Variants in DTNBP1 observed in about 807,000 individuals in gnomAD.
DTNBP1 encodes dysbindin.
Under a neutral mutation model 42.8 loss-of-function variants are expected in DTNBP1, and 35 were observed. The observed-to-expected ratio is 0.82, with a 90% confidence interval of 0.63 to 1.09. The LOEUF (loss-of-function observed/expected upper bound fraction) is 1.09. Among genes scored for constraint, DTNBP1 ranks in the 50% least tolerant of loss-of-function variants. The pLI, the probability that DTNBP1 is intolerant of heterozygous loss-of-function variation, is 0.00. For synonymous variants in DTNBP1, 171 were observed against 162.2 expected (o/e 1.05, Z -0.41); for missense variants, 457 against 424.2 (o/e 1.08, Z -0.68).
chr6:15,537,587 A>G (rs1474781633), intron 7 of DTNBP1, among the ~76,000 whole-genome samples: 1 of 152,022 alleles, frequency 6.6e-6, no homozygotes, highest in African/African-American at 2.4e-5. Flanking sequence ...CCCCACCCAA[A>G]TCTCATCTCA....
intron 7 of DTNBP1, among the ~76,000 whole-genome samples, chr6:15,584,705 C>CTTTTTTTTTTTTT (rs147548247): frequency 1.2e-5 from 1 of 86,432 alleles, no homozygotes; most frequent in South Asian, 4.0e-4. Context: ...ACATGTATTT[C>CTTTTTTTTTTTTT]TTTTTTTTTT....
intron 7 of DTNBP1, among the ~76,000 whole-genome samples, chr6:15,573,401 A>G (rs548607504): frequency 6.6e-6 from 1 of 152,344 alleles, no homozygotes; most frequent in South Asian, 2.1e-4. Flanking sequence ...ATTACAGTAA[A>G]GAGTCCATTG....
At chr6:15,652,042 T>A (rs747817438) in intron 2 of DTNBP1, 45 bp downstream of exon 2, 2 of 1,564,440 alleles carry the variant, frequency 1.3e-6, no homozygotes, top group Non-Finnish European at 1.8e-6. Flanking sequence ...AAAAGTTGTA[T>A]GAAATTTAAG....
At chr6:15,526,709 G>A (rs1772427590) in intron 8 of DTNBP1, among the ~76,000 whole-genome samples, 1 of 152,182 alleles carries the variant, frequency 6.6e-6, no homozygotes, top group African/African-American at 2.4e-5. Flanking sequence ...GCACGCTTCT[G>A]AGGGTTTCCT....
At chr6:15,548,923 T>C (rs189661775) in intron 7 of DTNBP1, among the ~76,000 whole-genome samples, 31 of 152,194 alleles carry the variant, frequency 2.0e-4, no homozygotes, top group Admixed American at 1.9e-3. Context: ...AAAATTTAAG[T>C]TTTCATTAAT....
chr6:15,534,819 C>A (rs1298880896), intron 7 of DTNBP1, among the ~76,000 whole-genome samples: 1 of 151,722 alleles, frequency 6.6e-6, no homozygotes, highest in Non-Finnish European at 1.5e-5. Flanking sequence ...AATATTAACC[C>A]AATATTGATA....
chr6:15,543,433 T>C (rs182193426), intron 7 of DTNBP1, among the ~76,000 whole-genome samples: 1 of 152,308 alleles, frequency 6.6e-6, no homozygotes, highest in Non-Finnish European at 1.5e-5. Context: ...CTCCATGCAG[T>C]CTTACTACAT....
intron 7 of DTNBP1, among the ~76,000 whole-genome samples, chr6:15,592,792 A>G (rs907802503): frequency 2.2e-4 from 33 of 152,192 alleles, no homozygotes; most frequent in African/African-American, 7.7e-4. Flanking sequence ...TTCTTAAACT[A>G]TGATTCTCAA....
chr6:15,627,798 A>G (rs1181188790), intron 4 of DTNBP1, among the ~76,000 whole-genome samples: 1 of 151,798 alleles, frequency 6.6e-6, no homozygotes, highest in Non-Finnish European at 1.5e-5. Context: ...TAGAAAAAAA[A>G]AAAACAAAAA....
chr6:15,560,038 T>A lies in DTNBP1; in HGVS notation c.512-26643A>T, dbSNP rs567657213. On this transcript the variant is annotated intron_variant, in intron 7 of 9. Coordinates refer to ENST00000344537, the MANE Select transcript of DTNBP1 (RefSeq NM_032122.5). ...AATAAAAATGTGGGGCCAGGCGCAGTGGCTCACACCTGTAATCCCAGCACT... is the reference window on the plus strand; with the variant it reads ...AATAAAAATGTGGGGCCAGGCGCAGAGGCTCACACCTGTAATCCCAGCACT... 5.9e-5 allele frequency among the ~76,000 whole-genome samples: 9 copies of A among 152,338 alleles called. No homozygotes were observed. The East Asian group carries it at 1.3e-3, about 23-fold the overall frequency.
intron 7 of DTNBP1, among the ~76,000 whole-genome samples, chr6:15,588,862 G>A (rs1776183572): frequency 6.6e-6 from 1 of 152,200 alleles, no homozygotes; most frequent in South Asian, 2.1e-4. Flanking sequence ...TCGTCATTCA[G>A]ATCAAGTGTC....
At chr6:15,623,759 A>AT (rs1759177883) in intron 5 of DTNBP1, among the ~76,000 whole-genome samples, 1 of 152,176 alleles carries the variant, frequency 6.6e-6, no homozygotes, top group Non-Finnish European at 1.5e-5. Flanking sequence ...CTTTTCAAAC[A>AT]TATTTTTCCA....
At chr6:15,561,721 G>T (rs1432740633) in intron 7 of DTNBP1, among the ~76,000 whole-genome samples, 1 of 152,190 alleles carries the variant, frequency 6.6e-6, no homozygotes, top group Non-Finnish European at 1.5e-5. Flanking sequence ...CTGCTGGGCT[G>T]AATTCTCAGG....
intron 5 of DTNBP1, among the ~76,000 whole-genome samples, chr6:15,620,257 A>C (rs775441533): frequency 1.3e-5 from 2 of 152,200 alleles, no homozygotes; most frequent in Non-Finnish European, 2.9e-5. Context: ...TAAAATCTAA[A>C]TTTTAGCCAA....
chr6:15,603,406 C>G (rs1776805026), intron 6 of DTNBP1, among the ~76,000 whole-genome samples: 1 of 152,106 alleles, frequency 6.6e-6, no homozygotes, highest in Non-Finnish European at 1.5e-5. Context: ...AAGTTTCAGC[C>G]TTTTTTATAT....
intron 3 of DTNBP1, among the ~76,000 whole-genome samples, chr6:15,648,138 T>A (rs751576482): frequency 3.3e-5 from 5 of 152,048 alleles, no homozygotes; most frequent in Non-Finnish European, 2.9e-5. Context: ...TATGACAGAT[T>A]GGTAGAACGA....
chr6:15,537,341 C>T (rs544665382), intron 7 of DTNBP1, among the ~76,000 whole-genome samples: 15 of 151,628 alleles, frequency 9.9e-5, no homozygotes, highest in East Asian at 9.7e-4. Context: ...GAGAACTGCT[C>T]GAACCAGGAC....
intron 7 of DTNBP1, among the ~76,000 whole-genome samples, chr6:15,534,148 C>T (rs527604516): frequency 4.6e-5 from 7 of 152,216 alleles, no homozygotes; most frequent in African/African-American, 1.2e-4. Flanking sequence ...GATGGAGACA[C>T]GAAGTGTGCT....
In DTNBP1 at chr6:15,593,085, T is replaced by C. The variant is rs777149739; in HGVS notation, c.489-4A>G. 1.7e-5 allele frequency: 27 copies of C among 1,556,116 alleles called. No homozygotes were observed. The East Asian group carries it at 4.6e-4, about 27-fold the overall frequency. ...TTTGAAGGTTTCAAGTTCCTTCCTGTAGGAAAAAAAAAAAAAAGACAAGAC... is the reference window on the plus strand; with the variant it reads ...TTTGAAGGTTTCAAGTTCCTTCCTGCAGGAAAAAAAAAAAAAAGACAAGAC... On this transcript the variant is annotated splice_region_variant and splice_polypyrimidine_tract_variant and intron_variant, in intron 6 of 9. Coordinates refer to ENST00000344537, the MANE Select transcript of DTNBP1 (RefSeq NM_032122.5).
Sources: allele counts gnomAD v4.1 joint callset (sites outside exome capture counted in the v4.1 genomes callset), GRCh38; gene constraint gnomAD v4.1.1; transcripts MANE v1.5; gene names NCBI Gene and HGNC (gene_info 2026-07-23, HGNC 2026-07-21).